MDGA2: variants seen among roughly 807,000 people sequenced by gnomAD.
MDGA2 encodes MAM domain containing glycosylphosphatidylinositol anchor 2.
MDGA2 carries 40 observed loss-of-function variants against 117.8 expected under a neutral mutation model. The ratio of observed to expected loss-of-function variants is 0.34; its 90% CI spans 0.26 to 0.44. The LOEUF (loss-of-function observed/expected upper bound fraction) is 0.44, where lower values mean the gene tolerates loss of function less well. MDGA2 is among the 20% of genes least tolerant of loss of function. The pLI is 1.00. For missense variants in MDGA2, 1,123 were observed against 1,250.6 expected (o/e 0.90, Z 1.54); for synonymous variants, 452 against 439.0 (o/e 1.03, Z -0.37).
intron 1 of MDGA2, among the ~76,000 whole-genome samples, chr14:47,555,648 T>C (rs1011376191): frequency 6.6e-6 from 1 of 152,066 alleles, no homozygotes; most frequent in Admixed American, 6.6e-5. Flanking sequence ...CCCAGAAAAA[T>C]GAAGATAAGA....
intron 1 of MDGA2, among the ~76,000 whole-genome samples, chr14:47,372,559 C>A (rs1891386181): frequency 6.6e-6 from 1 of 151,858 alleles, no homozygotes; most frequent in Admixed American, 6.6e-5. Context: ...AAAAGATTTA[C>A]TACATCCAGT....
chr14:47,267,422 A>G (rs992475477), intron 2 of MDGA2, among the ~76,000 whole-genome samples: 1 of 152,174 alleles, frequency 6.6e-6, no homozygotes, highest in Non-Finnish European at 1.5e-5. Flanking sequence ...ATGACATAAA[A>G]AATTTGACTC....
intron 3 of MDGA2, among the ~76,000 whole-genome samples, chr14:47,187,103 G>C (rs75593195): frequency 0.074 from 11,235 of 151,768 alleles, 458 homozygotes; most frequent in African/African-American, 0.12. Context: ...GTAAGAAAGA[G>C]AAATTAGGTG....
At position 47,061,285 on chromosome 14, in the gene MDGA2, C is replaced by G; in HGVS notation, c.1489G>C (p.Asp497His). The change falls in exon 7 of 17, where the codon GAT becomes CAT. Residue 497 changes from aspartate (D) to histidine (H), a missense_variant. Asp to His is a moderately conservative substitution (Grantham distance 81). Coordinates refer to ENST00000399232, the MANE Select transcript of MDGA2 (RefSeq NM_001113498.3). The part of the protein sequence containing the change: ...VASLKGGGIS[D>H]ISIDVNISSS... ...GATATATTAACATCGATACTGATAT[C>G]AGATATTCCTCCTCCCTTCAGAGAT... 6.2e-7 allele frequency: 1 copy of G among 1,613,330 alleles called. No homozygotes were observed. The highest frequency in any genetic ancestry group is 8.5e-7 in the Non-Finnish European group (1 of 1,179,512).
chr14:47,638,029 A>T (rs548568705), intron 1 of MDGA2, among the ~76,000 whole-genome samples: 27 of 152,178 alleles, frequency 1.8e-4, no homozygotes, highest in Non-Finnish European at 5.9e-5. Context: ...ATAGTCTTCA[A>T]AGCTACAACA....
chr14:47,314,649 A>C (rs148785007), intron 1 of MDGA2, among the ~76,000 whole-genome samples: 70 of 152,120 alleles, frequency 4.6e-4, no homozygotes, highest in African/African-American at 1.6e-3. Flanking sequence ...TTACACTCCA[A>C]CTTGGGTGAC....
chr14:47,231,651 C>A lies in MDGA2; in HGVS notation c.421-13456G>T, dbSNP rs574164717. On this transcript the variant is annotated intron_variant, in intron 2 of 16. Transcript: ENST00000399232. ...ATTGAAATAGCAATGAAGAATAAAACACAAAGTTATCCTATAATAACACTA... is the reference window on the plus strand; with the variant it reads ...ATTGAAATAGCAATGAAGAATAAAAAACAAAGTTATCCTATAATAACACTA... Among the ~76,000 whole-genome samples the A allele has an allele frequency of 2.0e-5, 3 of 150,526 alleles. No individual in the cohort carries two copies. The South Asian group carries it at 6.3e-4, about 32-fold the overall frequency.
At chr14:47,287,861 G>T (rs1888741869) in intron 2 of MDGA2, among the ~76,000 whole-genome samples, 1 of 152,020 alleles carries the variant, frequency 6.6e-6, no homozygotes, top group Non-Finnish European at 1.5e-5. Flanking sequence ...ACAAGAAGAG[G>T]AAAACCCCAT....
intron 2 of MDGA2, among the ~76,000 whole-genome samples, chr14:47,248,753 G>A (rs1381052432): frequency 2.0e-5 from 3 of 151,992 alleles, no homozygotes; most frequent in Admixed American, 6.6e-5. Flanking sequence ...AAGCAACGGA[G>A]TATTAGGTTT....
At chr14:47,282,587 A>G (rs919386104) in intron 2 of MDGA2, among the ~76,000 whole-genome samples, 2 of 151,902 alleles carry the variant, frequency 1.3e-5, no homozygotes, top group African/African-American at 2.4e-5. Flanking sequence ...AGTCCCAGCT[A>G]TTCGGGAGGC....
intron 1 of MDGA2, among the ~76,000 whole-genome samples, chr14:47,620,887 G>A (rs1261483947): frequency 6.6e-6 from 1 of 152,154 alleles, no homozygotes; most frequent in Non-Finnish European, 1.5e-5. Flanking sequence ...ACAAGGTAAA[G>A]CATGAGTTGG....
intron 9 of MDGA2, among the ~76,000 whole-genome samples, chr14:46,952,241 G>GA (rs113242714): frequency 1.3e-5 from 2 of 150,396 alleles, no homozygotes; most frequent in East Asian, 2.0e-4. Context: ...AATCCAAGCA[G>GA]AAAAAAAAAG....
chr14:47,168,510 G>T (rs1883984097), intron 3 of MDGA2, among the ~76,000 whole-genome samples: 1 of 151,866 alleles, frequency 6.6e-6, no homozygotes, highest in South Asian at 2.1e-4. Flanking sequence ...TTTTGCTCGA[G>T]TTCTTTTCCC....
chr14:47,496,897 G>A (rs1449343466), intron 1 of MDGA2, among the ~76,000 whole-genome samples: 1 of 151,934 alleles, frequency 6.6e-6, no homozygotes, highest in Admixed American at 6.6e-5. Context: ...GCAGGGGGAT[G>A]GTTTGGGGAT....
At chr14:47,340,328 T>C (rs1322831248) in intron 1 of MDGA2, among the ~76,000 whole-genome samples, 1 of 152,112 alleles carries the variant, frequency 6.6e-6, no homozygotes, top group Non-Finnish European at 1.5e-5. Flanking sequence ...TAATGAAAAA[T>C]AGGAGTGCCA....
At chr14:47,185,706 G>A (rs1884885282) in intron 3 of MDGA2, among the ~76,000 whole-genome samples, 1 of 151,560 alleles carries the variant, frequency 6.6e-6, no homozygotes, top group Non-Finnish European at 1.5e-5. Context: ...CACCAAAGGA[G>A]AAAGGACTTT....
chr14:47,035,268 G>A lies in MDGA2; in HGVS notation c.1562C>T (p.Pro521Leu). The change falls in exon 8 of 17, where the codon CCA becomes CTA. Residue 521 changes from proline to leucine, a missense_variant. This residue lies in a region of MDGA2 where 890 missense variants were observed against 1,050.3 expected (regional missense o/e 0.85). Transcript: ENST00000399232. ...PNLTVPQEKS[P>L]LVTREGDTIE... ...TGTGTCTCCTTCTCTGGTGACCAAT[G>A]GTGATTTTTCCTGTGGAACAGTCAG... 6.2e-7 allele frequency: 1 copy of A among 1,613,974 alleles called. No homozygotes were observed. The highest frequency in any genetic ancestry group is 8.5e-7 in the Non-Finnish European group (1 of 1,179,938).
intron 1 of MDGA2, among the ~76,000 whole-genome samples, chr14:47,636,540 T>C (rs1412581621): frequency 6.6e-6 from 1 of 152,034 alleles, no homozygotes; most frequent in Non-Finnish European, 1.5e-5. Flanking sequence ...TCCCAGCACT[T>C]TGGAAGGCCA....
intron 1 of MDGA2, among the ~76,000 whole-genome samples, chr14:47,466,028 T>G (rs1407242183): frequency 6.6e-6 from 1 of 152,086 alleles, no homozygotes; most frequent in Non-Finnish European, 1.5e-5. Context: ...GGAACATGGA[T>G]GGAGCTGGAG....
Sources: allele counts gnomAD v4.1 joint callset (sites outside exome capture counted in the v4.1 genomes callset), GRCh38; gene constraint gnomAD v4.1.1; regional missense constraint gnomAD v4.1.1; transcripts MANE v1.5; gene names NCBI Gene and HGNC (gene_info 2026-07-23, HGNC 2026-07-21).